LETM1: variants seen among roughly 807,000 people sequenced by gnomAD.
LETM1 encodes mitochondrial proton/calcium exchanger protein.
A neutral mutation model predicts 74.5 loss-of-function variants in LETM1; 50 were observed. The observed-to-expected ratio is 0.67, with a 90% CI of 0.53 to 0.85. The LOEUF (loss-of-function observed/expected upper bound fraction) is 0.85. LETM1 is among the 40% of genes least tolerant of loss of function. LETM1 has a pLI of 0.00. For missense variants in LETM1, 824 were observed against 967.8 expected, an observed-to-expected ratio of 0.85 and a Z score of 1.97; for synonymous variants, 446 against 407.1, an observed-to-expected ratio of 1.10 and a Z score of -1.15.
rs146772267 is a variant in LETM1, at chr4:1,823,042, C to T, written c.1422G>A (p.Ala474=). Residue 474 remains alanine (A), a synonymous_variant, in exon 9 of 14, where the codon GCG becomes GCA. Transcript: ENST00000302787. ...AKLEATLQEE[A]AIQQEHREKE... ...TCTCACGGTGCTCCTGCTGGATGGC[C>T]GCCTCCTCCTGCAGCGTGGCCTCCA... 1.1e-4 allele frequency: 170 copies of T among 1,608,950 alleles called. No individual in the cohort carries two copies. Among genetic ancestry groups the T allele is most frequent in the Middle Eastern group, 1.6e-4 (1 of 6,064 alleles).
intron 1 of LETM1, among the ~76,000 whole-genome samples, chr4:1,849,744 C>T (rs75441387): frequency 0.014 from 2,090 of 152,298 alleles, 28 homozygotes; most frequent in African/African-American, 0.033. Context: ...GACGGGGTTT[C>T]GTTTTGTTGC....
At position 1,816,863 on chromosome 4, in the gene LETM1, C is replaced by T. The variant is rs756578993; in HGVS notation, c.1795G>A (p.Val599Met). The change falls in exon 12 of 14, where the codon GTG (valine) becomes ATG (methionine). Residue 599 changes from valine (V) to methionine (M), a missense_variant. By Grantham distance (21) the Val-to-Met change is conservative (BLOSUM62 1). Coordinates refer to ENST00000302787, the MANE Select transcript of LETM1 (RefSeq NM_012318.3). ...ELSKTGEEKY[V>M]EESKASKRLT... Reference sequence around the variant, plus strand: ...CTCTTGCTGGCTTTAGATTCTTCCACGTACTTTTCTTCACCAGTCTTTGAA... The same window carrying T: ...CTCTTGCTGGCTTTAGATTCTTCCATGTACTTTTCTTCACCAGTCTTTGAA... 14 of 1,613,832 alleles carry T rather than the reference C, an allele frequency of 8.7e-6. No individual in the cohort carries two copies. Among genetic ancestry groups the T allele is most frequent in the East Asian group, 2.2e-5 (1 of 44,894 alleles).
At chr4:1,829,951 G>A (rs1233508449) in intron 6 of LETM1, among the ~76,000 whole-genome samples, 8 of 152,192 alleles carry the variant, frequency 5.3e-5, no homozygotes, top group African/African-American at 1.2e-4. Context: ...TGACTCTGAC[G>A]TGACTTGCTG....
chr4:1,829,716 G>C (rs573870714), intron 6 of LETM1, among the ~76,000 whole-genome samples: 1 of 152,284 alleles, frequency 6.6e-6, no homozygotes, highest in Admixed American at 6.5e-5. Flanking sequence ...GCTACTCAGG[G>C]GGCTGAGGTG....
Position 1,841,674 on chromosome 4 carries a change from G to A in LETM1, c.267C>T (p.Thr89=). The change falls in exon 3 of 14, where the codon ACC becomes ACT. Residue 89 remains threonine (T), a synonymous_variant. Coordinates refer to ENST00000302787, the MANE Select transcript of LETM1 (RefSeq NM_012318.3). The part of the protein sequence containing the change: ...CLRIVSRAPW[T]STSVGFVAVG... Reference sequence around the variant, plus strand: ...CAGCCACAAAACCCACAGAGGTAGAGGTCCATGGCGCTCTCGACACTATGC... The same window carrying A: ...CAGCCACAAAACCCACAGAGGTAGAAGTCCATGGCGCTCTCGACACTATGC... 6.2e-7 allele frequency: 1 copy of A among 1,614,220 alleles called. No homozygotes were observed. Among genetic ancestry groups the A allele is most frequent in the South Asian group, 1.1e-5 (1 of 91,090 alleles).
intron 8 of LETM1, 84 bp downstream of exon 8, chr4:1,823,560 T>A: frequency 6.4e-7 from 1 of 1,551,266 alleles, no homozygotes; most frequent in Non-Finnish European, 8.8e-7. Flanking sequence ...GAGGAATGAG[T>A]GCGCTTGCAC....
At chr4:1,817,320 G>A (rs1014958593) in intron 11 of LETM1, among the ~76,000 whole-genome samples, 7 of 151,190 alleles carry the variant, frequency 4.6e-5, no homozygotes, top group Non-Finnish European at 7.4e-5. Flanking sequence ...ACTTTGGGAG[G>A]CCAAGGCAGG....
At chr4:1,816,354 G>A (rs546229013) in intron 12 of LETM1, among the ~76,000 whole-genome samples, 1 of 152,206 alleles carries the variant, frequency 6.6e-6, no homozygotes, top group Non-Finnish European at 1.5e-5. Context: ...GGGACATGTC[G>A]GGCACAGAGA....
chr4:1,832,908 T>C lies in LETM1; in HGVS notation c.916A>G (p.Met306Val), dbSNP rs746420325. ...TCCTCAAATAATTTGGAAAAACGCA[T>C]GATTTCCTCATTGCTGGGCCTCTCC... ...TGERPSNEEIMRFSKLFEDEL... is the reference protein window; with the variant it reads ...TGERPSNEEIVRFSKLFEDEL... The change falls in exon 6 of 14, where the codon ATG (methionine) becomes GTG (valine). Residue 306 changes from methionine to valine, a missense_variant. This residue lies in a region of LETM1 where 269 missense variants were observed against 348.8 expected (regional missense o/e 0.77). Coordinates refer to ENST00000302787, the MANE Select transcript of LETM1 (RefSeq NM_012318.3). 36 of 1,612,736 alleles carry C rather than the reference T, an allele frequency of 2.2e-5. No individual in the cohort carries two copies. Among genetic ancestry groups the C allele is most frequent in the South Asian group, 4.4e-5 (4 of 91,024 alleles).
In LETM1 at chr4:1,841,447, T is replaced by C; in HGVS notation, c.494A>G (p.Tyr165Cys). 2 of 1,614,192 alleles carry C rather than the reference T, an allele frequency of 1.2e-6. No individual in the cohort carries two copies. The highest frequency in any genetic ancestry group is 1.7e-6 in the Non-Finnish European group (2 of 1,180,026). ...GATCCATAGCAGGCGGAAGCCATGG[T>C]AGTAGTGCTTCAGCTCGTCCAGCAC... is the stretch of plus-strand genomic sequence containing the variant. ...QRVLDELKHYYHGFRLLWIDT... is the reference protein window; with the variant it reads ...QRVLDELKHYCHGFRLLWIDT... Residue 165 changes from tyrosine (Y) to cysteine (C), a missense_variant, in exon 3 of 14, where the codon TAC becomes TGC. Tyr to Cys is a radical substitution (Grantham distance 194). Transcript: ENST00000302787.
chr4:1,848,514 C>G (rs922275894), intron 2 of LETM1, among the ~76,000 whole-genome samples: 6 of 149,540 alleles, frequency 4.0e-5, no homozygotes, highest in Non-Finnish European at 7.4e-5. Flanking sequence ...CGCCACTGCA[C>G]TCCAGCCTGG....
intron 6 of LETM1, among the ~76,000 whole-genome samples, chr4:1,830,174 T>C (rs1042488572): frequency 3.3e-5 from 5 of 152,268 alleles, no homozygotes; most frequent in Non-Finnish European, 7.3e-5. Context: ...TACAATGTTT[T>C]CTACTATTTT....
At chr4:1,846,282 T>A (rs1191810257) in intron 2 of LETM1, among the ~76,000 whole-genome samples, 1 of 152,026 alleles carries the variant, frequency 6.6e-6, no homozygotes, top group Non-Finnish European at 1.5e-5. Flanking sequence ...AAAGTACAGC[T>A]TTTATGTTTT....
chr4:1,836,251 T>G lies in LETM1; in HGVS notation c.738+178A>C, dbSNP rs530599336. 3.3e-5 allele frequency among the ~76,000 whole-genome samples: 5 copies of G among 151,718 alleles called. No homozygotes were observed. In the East Asian group the frequency reaches 9.7e-4, roughly 29 times the overall value. On this transcript the variant is annotated intron_variant, in intron 4 of 13. Transcript: ENST00000302787. The surrounding 1 kb of genome is among the most constrained non-coding windows in gnomAD (Gnocchi z 5.8). ...ATAAATAAATAAATAAATAACGAAA[T>G]AAAGAGAAACAAATCCAAAACCCAG...
intron 3 of LETM1, among the ~76,000 whole-genome samples, chr4:1,837,913 G>A (rs1349109142): frequency 6.6e-6 from 1 of 151,590 alleles, no homozygotes; most frequent in Non-Finnish European, 1.5e-5. Flanking sequence ...CACTATGTTG[G>A]CCAGGCTGGT....
chr4:1,822,818 G>T, intron 9 of LETM1, 170 bp downstream of exon 9: 1 of 538,074 alleles, frequency 1.9e-6, no homozygotes, highest in East Asian at 3.5e-5. Context: ...CAGAGTTGCA[G>T]CCCTCACACC....
At chr4:1,835,558 C>T (rs1037251188) in intron 4 of LETM1, among the ~76,000 whole-genome samples, 2 of 152,178 alleles carry the variant, frequency 1.3e-5, no homozygotes, top group East Asian at 1.9e-4. Flanking sequence ...GACAGGAAGG[C>T]GTCTGGCCTT....
intron 7 of LETM1, among the ~76,000 whole-genome samples, chr4:1,825,158 C>T (rs111289975): frequency 2.4e-3 from 368 of 152,330 alleles, no homozygotes; most frequent in African/African-American, 8.3e-3. Flanking sequence ...AGAGAAGGGG[C>T]GGCTCCAAAG....
In LETM1 at chr4:1,834,421, C is replaced by A. The variant is rs1712392123; in HGVS notation, c.876+424G>T. The A allele has an allele frequency of 2.0e-6, 2 of 998,066 alleles. No individual in the cohort carries two copies. Among genetic ancestry groups the A allele is most frequent in the African/African-American group, 1.7e-5 (1 of 57,584 alleles). 61.8% of individuals were successfully genotyped at this position (998,066 alleles called of 1,614,324 possible). On this transcript the variant is annotated intron_variant, in intron 5 of 13. Transcript: ENST00000302787. The surrounding 1 kb of genome is among the most constrained non-coding windows in gnomAD (Gnocchi z 5.0). ...AGGGCCGCTCCTCCTCTCCAGCCCC[C>A]ACTGCTCCCACAGTCCAGGCCTCTG...
Sources: gnomAD v4.1 joint callset for allele counts (sites outside exome capture counted in the v4.1 genomes callset) on GRCh38, gnomAD v4.1.1 for gene constraint, gnomAD v4.1.1 regional missense constraint, Gnocchi (gnomAD v3.1) non-coding constraint, MANE v1.5 for transcripts, NCBI Gene and HGNC (gene_info 2026-07-23, HGNC 2026-07-21) for gene names.